GRIP1: variants seen among roughly 807,000 people sequenced by gnomAD.
The protein encoded by GRIP1 is glutamate receptor-interacting protein 1.
GRIP1 carries 45 observed loss-of-function variants against 129.9 expected under a neutral mutation model. The ratio of observed to expected loss-of-function variants is 0.35; its 90% CI spans 0.27 to 0.44. The LOEUF (loss-of-function observed/expected upper bound fraction) is 0.44, where lower values mean the gene tolerates loss of function less well. Among genes scored for constraint, GRIP1 ranks in the 20% least tolerant of loss-of-function variants. GRIP1 has a pLI of 1.00. For missense variants in GRIP1, 1,196 were observed against 1,396.8 expected, an observed-to-expected ratio of 0.86 and a Z score of 2.29; for synonymous variants, 530 against 520.8, an observed-to-expected ratio of 1.02 and a Z score of -0.24.
intron 1 of GRIP1, among the ~76,000 whole-genome samples, chr12:66,979,771 A>C (rs948466631): frequency 6.6e-6 from 1 of 152,164 alleles, no homozygotes; most frequent in East Asian, 1.9e-4. Context: ...AAAGACACAC[A>C]GGGAGAATGC....
chr12:66,796,798 G>T (rs1296829538), intron 1 of GRIP1, among the ~76,000 whole-genome samples: 1 of 151,976 alleles, frequency 6.6e-6, no homozygotes, highest in Non-Finnish European at 1.5e-5. Context: ...AATAAAGATG[G>T]TAAGAAGAAA....
intron 7 of GRIP1, among the ~76,000 whole-genome samples, chr12:66,473,914 T>A (rs1330064884): frequency 6.6e-6 from 1 of 152,074 alleles, no homozygotes; most frequent in Non-Finnish European, 1.5e-5. Flanking sequence ...AAAACCGGAA[T>A]GTCTCTTCTC....
intron 12 of GRIP1, 25 bp from the exon 13 acceptor site, chr12:66,444,754 G>T: frequency 6.2e-7 from 1 of 1,612,018 alleles, no homozygotes; most frequent in Non-Finnish European, 8.5e-7. Context: ...CATGTGAGAG[G>T]TTGTAGATGG....
chr12:66,356,343 C>G (rs2054487335), intron 23 of GRIP1, among the ~76,000 whole-genome samples: 1 of 152,176 alleles, frequency 6.6e-6, no homozygotes, highest in South Asian at 2.1e-4. Context: ...AGAATCGGCT[C>G]AAATCAAGGC....
intron 1 of GRIP1, among the ~76,000 whole-genome samples, chr12:66,818,266 T>A (rs888098050): frequency 6.6e-6 from 1 of 152,182 alleles, no homozygotes; most frequent in African/African-American, 2.4e-5. Context: ...ACATTCATTA[T>A]CTCCACAAAT....
chr12:66,923,301 G>GT (rs1436247158), intron 1 of GRIP1, among the ~76,000 whole-genome samples: 8 of 152,112 alleles, frequency 5.3e-5, no homozygotes, highest in African/African-American at 1.7e-4. Context: ...AGCTGAGATC[G>GT]TACCACTGCA....
In GRIP1 at chr12:67,013,093, C is replaced by T. The variant is rs113984468; in HGVS notation, c.58+55957G>A. 4.5e-3 allele frequency among the ~76,000 whole-genome samples: 686 copies of T among 152,100 alleles called. 4 individuals are homozygous for T. The highest frequency in any genetic ancestry group is 8.3e-3 in the Non-Finnish European group (566 of 67,988). ...TCAGTCAGGCAATATTATAAATTACCAAGTCACATAATTTGGGTAACATTT... is the reference window on the plus strand; with the variant it reads ...TCAGTCAGGCAATATTATAAATTACTAAGTCACATAATTTGGGTAACATTT... On this transcript the variant is annotated intron_variant, in intron 1 of 1. Transcript: ENST00000643019.
chr12:66,732,099 T>C (rs550307834), intron 1 of GRIP1, among the ~76,000 whole-genome samples: 48 of 152,300 alleles, frequency 3.2e-4, no homozygotes, highest in African/African-American at 9.9e-4. Flanking sequence ...GGTCCACTTA[T>C]ATGTAGATTT....
intron 1 of GRIP1, among the ~76,000 whole-genome samples, chr12:66,747,604 T>A (rs534145243): frequency 6.6e-6 from 1 of 152,280 alleles, no homozygotes; most frequent in South Asian, 2.1e-4. Context: ...GCACACAAAG[T>A]AAGAAAAGCT....
chr12:66,851,806 G>C (rs369212119), intron 1 of GRIP1, among the ~76,000 whole-genome samples: 2 of 152,024 alleles, frequency 1.3e-5, no homozygotes, highest in African/African-American at 4.8e-5. Flanking sequence ...TTTTAAAGGT[G>C]TTTCTTCTTT....
intron 1 of GRIP1, among the ~76,000 whole-genome samples, chr12:66,978,373 G>T (rs1307802826): frequency 6.6e-6 from 1 of 152,132 alleles, no homozygotes; most frequent in South Asian, 2.1e-4. Context: ...AACTGTAAGT[G>T]GTCTGAATCA....
chr12:66,418,116 AACCC>A (rs1336354505), intron 15 of GRIP1, among the ~76,000 whole-genome samples: 2 of 152,186 alleles, frequency 1.3e-5, no homozygotes, highest in African/African-American at 4.8e-5. Context: ...CAGAATAGAG[AACCC>A]AGAAACAAAT....
chr12:66,601,904 T>C (rs914784380), intron 1 of GRIP1, among the ~76,000 whole-genome samples: 2 of 152,156 alleles, frequency 1.3e-5, no homozygotes, highest in Admixed American at 6.5e-5. Flanking sequence ...ACACAAAAGA[T>C]AATGACACCT....
At chr12:67,030,525 A>G (rs564704555) in intron 1 of GRIP1, among the ~76,000 whole-genome samples, 1 of 152,218 alleles carries the variant, frequency 6.6e-6, no homozygotes, top group Admixed American at 6.5e-5. Flanking sequence ...CTGGAATTGT[A>G]CTTTTAAAGT....
chr12:66,875,057 C>G (rs1431205468), intron 1 of GRIP1, among the ~76,000 whole-genome samples: 1 of 151,992 alleles, frequency 6.6e-6, no homozygotes, highest in Non-Finnish European at 1.5e-5. Flanking sequence ...TTTTCTTCAC[C>G]TAGCACAGTG....
At chr12:66,500,275 C>T (rs1316799205) in intron 7 of GRIP1, among the ~76,000 whole-genome samples, 2 of 152,162 alleles carry the variant, frequency 1.3e-5, no homozygotes, top group Non-Finnish European at 2.9e-5. Context: ...AGCCAGGAAA[C>T]AAATCTGAGT....
intron 1 of GRIP1, among the ~76,000 whole-genome samples, chr12:66,672,552 A>T (rs1206974321): frequency 6.6e-6 from 1 of 151,876 alleles, no homozygotes; most frequent in Non-Finnish European, 1.5e-5. Context: ...TGCAAATAAG[A>T]TTTTCTTCTG....
intron 19 of GRIP1, among the ~76,000 whole-genome samples, chr12:66,382,060 A>C (rs1565684184): frequency 6.6e-6 from 1 of 152,128 alleles, no homozygotes; most frequent in Non-Finnish European, 1.5e-5. Flanking sequence ...TCTACAAAGA[A>C]AAAAAAGACA....
rs1380435782 is a variant in GRIP1 at position 66,361,771 on chromosome 12, C to T, written c.3013-8208G>A. ...TTCTAGCTCCCAGCTTGGCTCTGGCCTGGCCCTTCTCCAGCTTTTACCCTT... is the reference window on the plus strand; with the variant it reads ...TTCTAGCTCCCAGCTTGGCTCTGGCTTGGCCCTTCTCCAGCTTTTACCCTT... On this transcript the variant is annotated intron_variant, in intron 23 of 24. Transcript: ENST00000359742. Among the ~76,000 whole-genome samples the T allele has an allele frequency of 2.0e-5, 3 of 152,180 alleles. No individual in the cohort carries two copies. The East Asian group carries it at 5.8e-4, about 29-fold the overall frequency.
Sources: allele counts gnomAD v4.1 joint callset (sites outside exome capture counted in the v4.1 genomes callset), GRCh38; gene constraint gnomAD v4.1.1; transcripts MANE v1.5; gene names NCBI Gene and HGNC (gene_info 2026-07-23, HGNC 2026-07-21).